Variants in DLG2 observed in about 807,000 individuals in gnomAD.
DLG2 encodes disks large homolog 2.
DLG2 carries 45 observed loss-of-function variants against 132.5 expected under a neutral mutation model. The observed-to-expected ratio is 0.34, with a 90% CI of 0.27 to 0.44. The LOEUF (loss-of-function observed/expected upper bound fraction) is 0.44. DLG2 is among the 20% of genes least tolerant of loss of function. DLG2 has a pLI of 1.00. For synonymous variants in DLG2, 424 were observed against 419.6 expected (o/e 1.01, Z -0.13); for missense variants, 1,045 against 1,196.9 (o/e 0.87, Z 1.87).
intron 3 of DLG2, among the ~76,000 whole-genome samples, chr11:85,585,715 G>GTTTT (rs200477698): frequency 6.9e-6 from 1 of 144,292 alleles, no homozygotes; most frequent in African/African-American, 2.5e-5. Context: ...ATATATCACA[G>GTTTT]TTTTTTTTTT....
chr11:85,165,943 A>G (rs2078407818), intron 4 of DLG2, among the ~76,000 whole-genome samples: 1 of 152,086 alleles, frequency 6.6e-6, no homozygotes, highest in Non-Finnish European at 1.5e-5. Flanking sequence ...AAGCCTGTGC[A>G]GCTAACTACT....
chr11:83,951,172 A>T (rs2085319207), intron 14 of DLG2, among the ~76,000 whole-genome samples: 1 of 152,208 alleles, frequency 6.6e-6, no homozygotes. Context: ...ATGGGAATGT[A>T]AACTGAGACC....
At chr11:84,158,950 C>T (rs1288069683) in intron 9 of DLG2, among the ~76,000 whole-genome samples, 1 of 152,140 alleles carries the variant, frequency 6.6e-6, no homozygotes, top group East Asian at 1.9e-4. Flanking sequence ...ATCACAACGG[C>T]CTTATGGGGT....
intron 7 of DLG2, among the ~76,000 whole-genome samples, chr11:84,453,433 G>T (rs1432143275): frequency 2.6e-5 from 4 of 151,548 alleles, no homozygotes; most frequent in Non-Finnish European, 5.9e-5. Flanking sequence ...GGTAGAAAAG[G>T]TAGTAAGGCT....
chr11:85,536,832 C>T (rs1237058465), intron 3 of DLG2, among the ~76,000 whole-genome samples: 1 of 152,186 alleles, frequency 6.6e-6, no homozygotes, highest in Non-Finnish European at 1.5e-5. Context: ...TCTCGCTTCC[C>T]CTCTTTTCCT....
chr11:83,668,735 AT>A (rs2076229525), intron 18 of DLG2, among the ~76,000 whole-genome samples: 1 of 144,656 alleles, frequency 6.9e-6, no homozygotes, highest in African/African-American at 2.6e-5. Flanking sequence ...ACACATATAT[AT>A]GTGTATATAA....
chr11:83,862,086 C>T (rs1480429546), intron 16 of DLG2, among the ~76,000 whole-genome samples: 1 of 152,104 alleles, frequency 6.6e-6, no homozygotes, highest in Non-Finnish European at 1.5e-5. Context: ...AATCCCACTA[C>T]TAGGTATATA....
intron 3 of DLG2, among the ~76,000 whole-genome samples, chr11:85,288,236 G>C: frequency 6.6e-6 from 1 of 151,958 alleles, no homozygotes; most frequent in East Asian, 1.9e-4. Flanking sequence ...AAGATTTACA[G>C]AGAAAAGTTA....
rs954502911 is a variant in DLG2 at position 84,080,227 on chromosome 11, C to G, written c.749+18696G>C. On this transcript the variant is annotated intron_variant, in intron 10 of 27. Transcript: ENST00000376104. ...CAGTTTGGGAGTAAAATAAAATATT[C>G]TGTGTCAGTTTAATAAACACTTGTT... is the stretch of plus-strand genomic sequence containing the variant. 7.9e-5 allele frequency among the ~76,000 whole-genome samples: 12 copies of G among 152,288 alleles called. No individual in the cohort carries two copies. The South Asian group carries it at 1.0e-3, about 13-fold the overall frequency.
At chr11:84,234,992 C>T (rs758112495) in intron 8 of DLG2, among the ~76,000 whole-genome samples, 10 of 152,162 alleles carry the variant, frequency 6.6e-5, no homozygotes, top group Non-Finnish European at 1.0e-4. Context: ...ATCTATTATT[C>T]GCTGTGAAGC....
At chr11:85,413,513 A>G (rs929705479) in intron 3 of DLG2, among the ~76,000 whole-genome samples, 1 of 151,762 alleles carries the variant, frequency 6.6e-6, no homozygotes, top group Non-Finnish European at 1.5e-5. Context: ...TTGATGTTAT[A>G]TTCTAGAATT....
chr11:85,058,777 A>G lies in DLG2; in HGVS notation c.357+52884T>C, dbSNP rs77103805. Among the ~76,000 whole-genome samples, 272 of 151,582 alleles carry G rather than the reference A, an allele frequency of 1.8e-3. 10 individuals carry two copies. The East Asian group carries it at 0.046, about 25-fold the overall frequency. On this transcript the variant is annotated intron_variant, in intron 6 of 27. Transcript: ENST00000376104. ...GTATACTATAATTAAATGGGGGAAAAGGTGTTCTTATCAACAAATAATTAA... is the reference window on the plus strand; with the variant it reads ...GTATACTATAATTAAATGGGGGAAAGGGTGTTCTTATCAACAAATAATTAA...
chr11:83,978,620 T>C (rs2092497011), intron 12 of DLG2, among the ~76,000 whole-genome samples: 1 of 152,006 alleles, frequency 6.6e-6, no homozygotes, highest in Admixed American at 6.6e-5. Context: ...ATGAAAGTGG[T>C]AGTGGCTTCA....
intron 7 of DLG2, among the ~76,000 whole-genome samples, chr11:84,345,081 C>T (rs749729171): frequency 1.1e-4 from 16 of 152,216 alleles, no homozygotes; most frequent in East Asian, 5.8e-4. Flanking sequence ...AGGGTCCAAT[C>T]GCATTAGAAA....
At chr11:84,471,936 A>G (rs1182295204) in intron 7 of DLG2, among the ~76,000 whole-genome samples, 1 of 151,804 alleles carries the variant, frequency 6.6e-6, no homozygotes, top group Non-Finnish European at 1.5e-5. Flanking sequence ...CTAAAATAGT[A>G]GCATTAGAAA....
intron 4 of DLG2, among the ~76,000 whole-genome samples, chr11:85,266,156 G>A (rs2077198004): frequency 1.3e-5 from 2 of 152,222 alleles, no homozygotes. Flanking sequence ...AAGCCTTGGA[G>A]TCATGGGCCC....
intron 6 of DLG2, among the ~76,000 whole-genome samples, chr11:84,551,881 C>G (rs1008674600): frequency 6.6e-6 from 1 of 152,140 alleles, no homozygotes; most frequent in South Asian, 2.1e-4. Flanking sequence ...AATGACACTG[C>G]CATTTCTCTG....
At chr11:84,953,088 C>A (rs531741543) in intron 6 of DLG2, among the ~76,000 whole-genome samples, 4 of 152,146 alleles carry the variant, frequency 2.6e-5, no homozygotes, top group Admixed American at 6.5e-5. Flanking sequence ...ATAATAATAT[C>A]ACAATTATCA....
Position 83,962,967 on chromosome 11 carries a change from A to C in DLG2, c.1258T>G (p.Tyr420Asp). The C allele has an allele frequency of 6.2e-7, 1 of 1,613,164 alleles. No homozygotes were observed. The highest frequency in any genetic ancestry group is 2.2e-5 in the East Asian group (1 of 44,862). The change falls in exon 14 of 28, where the codon TAT becomes GAT. Residue 420 changes from tyrosine (Y) to aspartate (D), a missense_variant. This residue lies in a region of DLG2 where 261 missense variants were observed against 256.1 expected (regional missense o/e 1.02). Transcript: ENST00000376104. Reference sequence around the variant, plus strand: ...GAGATGGGTGGCAGGGAGGTTTTATATTCTAAAGTGCCATTGTTGCCAGAG... The same window carrying C: ...GAGATGGGTGGCAGGGAGGTTTTATCTTCTAAAGTGCCATTGTTGCCAGAG... ...LLSGNNGTLE[Y>D]KTSLPPISPG... is the part of the protein sequence containing the mutation.
Sources: allele counts gnomAD v4.1 joint callset (sites outside exome capture counted in the v4.1 genomes callset), GRCh38; gene constraint gnomAD v4.1.1; regional missense constraint gnomAD v4.1.1; transcripts MANE v1.5; gene names NCBI Gene and HGNC (gene_info 2026-07-23, HGNC 2026-07-21).